KHDRBS2: variants seen among roughly 807,000 people sequenced by gnomAD.
KHDRBS2 encodes the protein KH RNA binding domain containing, signal transduction associated 2.
In KHDRBS2, 26 loss-of-function variants were observed where a neutral mutation model predicts 44.3. The ratio of observed to expected loss-of-function variants is 0.59; its 90% CI spans 0.43 to 0.81. The LOEUF is 0.81. Ranked by LOEUF, KHDRBS2 falls within the 40% of genes least tolerant of loss-of-function variation. The pLI is 0.00. For synonymous variants in KHDRBS2, 194 were observed against 151.1 expected (o/e 1.28, Z -2.08); for missense variants, 476 against 433.1 (o/e 1.10, Z -0.88).
At chr6:61,911,536 T>C (rs1806049618) in intron 4 of KHDRBS2, among the ~76,000 whole-genome samples, 1 of 152,216 alleles carries the variant, frequency 6.6e-6, no homozygotes, top group African/African-American at 2.4e-5. Context: ...ACTTTGATCC[T>C]TTTTGTTGGT....
At chr6:62,191,695 T>C (rs1585133669) in intron 1 of KHDRBS2, among the ~76,000 whole-genome samples, 1 of 152,000 alleles carries the variant, frequency 6.6e-6, no homozygotes, top group East Asian at 1.9e-4. Context: ...ATGTGAAAAT[T>C]TCATAAAACA....
chr6:61,630,445 C>T, the KHDRBS2 span: 2 of 152,148 alleles, frequency 1.3e-5, no homozygotes, highest in East Asian at 3.9e-4. Flanking sequence ...CCAGCAGCAA[C>T]CACTGAAGGT....
the KHDRBS2 span, among the ~76,000 whole-genome samples, chr6:61,548,749 A>G: frequency 2.0e-3 from 308 of 152,270 alleles, 2 homozygotes; most frequent in African/African-American, 7.0e-3. Flanking sequence ...TGATATCAAT[A>G]CCATCACCAC....
chr6:62,193,311 A>G (rs944278401), intron 1 of KHDRBS2, among the ~76,000 whole-genome samples: 2 of 152,130 alleles, frequency 1.3e-5, no homozygotes, highest in Admixed American at 6.6e-5. Context: ...CATTTTGTAA[A>G]CTGATTCTGT....
chr6:61,993,896 T>C (rs1776673067), intron 3 of KHDRBS2, among the ~76,000 whole-genome samples: 1 of 151,950 alleles, frequency 6.6e-6, no homozygotes, highest in African/African-American at 2.4e-5. Context: ...TATACCAGAC[T>C]AAACTTTAGG....
chr6:62,143,493 T>C (rs1554434529), intron 2 of KHDRBS2, among the ~76,000 whole-genome samples: 1 of 152,084 alleles, frequency 6.6e-6, no homozygotes, highest in Middle Eastern at 3.4e-3. Context: ...CACCCATTAA[T>C]ATTAGGGACT....
intron 6 of KHDRBS2, among the ~76,000 whole-genome samples, chr6:61,861,017 T>C (rs1178589358): frequency 6.6e-6 from 1 of 152,188 alleles, no homozygotes; most frequent in Non-Finnish European, 1.5e-5. Context: ...ATGTATGTCT[T>C]GAGAAGTGCA....
At chr6:61,876,479 G>A (rs908719537) in intron 6 of KHDRBS2, among the ~76,000 whole-genome samples, 1 of 148,648 alleles carries the variant, frequency 6.7e-6, no homozygotes, top group South Asian at 2.2e-4. Context: ...ATAGAATATT[G>A]GTATTAGTGT....
chr6:62,024,660 T>C (rs1324055242), intron 3 of KHDRBS2, among the ~76,000 whole-genome samples: 1 of 151,692 alleles, frequency 6.6e-6, no homozygotes, highest in Non-Finnish European at 1.5e-5. Flanking sequence ...AATAATTTTG[T>C]TTAGTTATCT....
Position 61,961,646 on chromosome 6 carries a change from G to T in KHDRBS2, c.483+16420C>A, listed in dbSNP as rs1186914350. On this transcript the variant is annotated intron_variant, in intron 4 of 8. Transcript: ENST00000281156. ...AGACTTGTGGGGAGGCTTTCACACT[G>T]AGGGTTCGCTCAAAGACCCTAAGGA... Among the ~76,000 whole-genome samples, 10 of 152,078 alleles carry T rather than the reference G, an allele frequency of 6.6e-5. No homozygotes were observed. In the East Asian group the frequency reaches 1.6e-3, roughly 24 times the overall value.
chr6:61,914,234 G>T (rs1298311897), intron 4 of KHDRBS2, among the ~76,000 whole-genome samples: 1 of 151,770 alleles, frequency 6.6e-6, no homozygotes, highest in African/African-American at 2.4e-5. Flanking sequence ...ATTAGATATG[G>T]CAAATAATGA....
At chr6:61,728,589 T>C (rs1773949811) in intron 7 of KHDRBS2, among the ~76,000 whole-genome samples, 1 of 152,214 alleles carries the variant, frequency 6.6e-6, no homozygotes, top group Non-Finnish European at 1.5e-5. Flanking sequence ...TGAAACAATG[T>C]ACAGCCATTA....
At chr6:61,842,191 C>T (rs892255005) in intron 6 of KHDRBS2, among the ~76,000 whole-genome samples, 14 of 152,152 alleles carry the variant, frequency 9.2e-5, no homozygotes, top group South Asian at 2.1e-4. Context: ...CTTTGTGCTG[C>T]CACCTATGAC....
At chr6:62,052,682 T>C (rs1789350121) in intron 2 of KHDRBS2, among the ~76,000 whole-genome samples, 2 of 151,942 alleles carry the variant, frequency 1.3e-5, no homozygotes, top group South Asian at 2.1e-4. Flanking sequence ...CCTCAGATCA[T>C]CTGGCATTAA....
chr6:61,992,695 G>T (rs1460961885), intron 3 of KHDRBS2, among the ~76,000 whole-genome samples: 6 of 152,138 alleles, frequency 3.9e-5, no homozygotes, highest in Non-Finnish European at 5.9e-5. Flanking sequence ...TATATAAATG[G>T]TTAAGAACAT....
intron 2 of KHDRBS2, among the ~76,000 whole-genome samples, chr6:62,080,688 G>A (rs183049762): frequency 8.6e-5 from 13 of 152,026 alleles, no homozygotes; most frequent in South Asian, 2.1e-4. Context: ...CTTCAGTATC[G>A]TGCTCTGTGT....
intron 2 of KHDRBS2, among the ~76,000 whole-genome samples, chr6:62,111,802 A>T (rs1475635504): frequency 6.6e-6 from 1 of 152,078 alleles, no homozygotes; most frequent in Non-Finnish European, 1.5e-5. Flanking sequence ...GGATCACTTG[A>T]GGCCAGCAGT....
At chr6:61,575,948 T>C in the KHDRBS2 span, among the ~76,000 whole-genome samples, 3 of 152,042 alleles carry the variant, frequency 2.0e-5, no homozygotes, top group African/African-American at 7.2e-5. Flanking sequence ...TTTGGCGAAT[T>C]AGAGGGAAGG....
At chr6:62,253,640 A>G (rs1836906804) in intron 1 of KHDRBS2, among the ~76,000 whole-genome samples, 1 of 151,970 alleles carries the variant, frequency 6.6e-6, no homozygotes, top group Non-Finnish European at 1.5e-5. Flanking sequence ...AAGAAGGGGG[A>G]GGAAGAGGAA....
Sources: gnomAD v4.1 joint callset for allele counts (sites outside exome capture counted in the v4.1 genomes callset) on GRCh38, gnomAD v4.1.1 for gene constraint, MANE v1.5 for transcripts, NCBI Gene and HGNC (gene_info 2026-07-23, HGNC 2026-07-21) for gene names.